Variants in ANK2 observed in about 807,000 individuals in gnomAD.
ANK2 encodes the protein ankyrin 2.
Under a neutral mutation model 360.5 loss-of-function variants are expected in ANK2, and 83 were observed. The ratio of observed to expected loss-of-function variants is 0.23; its 90% CI spans 0.19 to 0.28. The LOEUF (loss-of-function observed/expected upper bound fraction) is 0.28, where lower values mean the gene tolerates loss of function less well. Among genes scored for constraint, ANK2 ranks in the 10% least tolerant of loss-of-function variants. The pLI is 1.00. For missense variants in ANK2, 4,201 were observed against 4,795.7 expected (o/e 0.88, Z 3.66); for synonymous variants, 1,740 against 1,759.5 (o/e 0.99, Z 0.28).
chr4:112,779,371 T>G, the ANK2 span, among the ~76,000 whole-genome samples: 1 of 152,044 alleles, frequency 6.6e-6, no homozygotes, highest in East Asian at 1.9e-4. Flanking sequence ...TAGAAAAAAT[T>G]AGCCGGGCGT....
chr4:112,748,023 C>T, the ANK2 span, among the ~76,000 whole-genome samples: 1 of 152,038 alleles, frequency 6.6e-6, no homozygotes, highest in Non-Finnish European at 1.5e-5. Context: ...TCTACATTAG[C>T]TATTGAGATG....
chr4:113,267,939 G>T (rs569995042), intron 14 of ANK2, among the ~76,000 whole-genome samples: 1 of 152,296 alleles, frequency 6.6e-6, no homozygotes, highest in South Asian at 2.1e-4. Flanking sequence ...GCAGTGGTCT[G>T]TAGTTATCCT....
chr4:113,008,922 G>A (rs10012535), intron 2 of ANK2, among the ~76,000 whole-genome samples: 86,246 of 151,892 alleles, frequency 0.57, 26,134 homozygotes, highest in Non-Finnish European at 0.69. Context: ...AAAGCAGGGA[G>A]ATAAAGCAAA....
chr4:113,311,214 A>G (rs765174003), intron 23 of ANK2, 41 bp from the exon 24 acceptor site: 2 of 1,613,316 alleles, frequency 1.2e-6, no homozygotes, highest in Non-Finnish European at 1.7e-6. Context: ...TTGATATTAC[A>G]TTCAAGAAAT....
the ANK2 span, among the ~76,000 whole-genome samples, chr4:112,793,048 C>T: frequency 2.0e-5 from 3 of 151,954 alleles, no homozygotes; most frequent in Admixed American, 6.6e-5. Context: ...TAAAATAAAA[C>T]CAGAAGAATG....
At chr4:113,293,266 T>C in intron 21 of ANK2, 174 bp from the exon 22 acceptor site, 2 of 709,228 alleles carry the variant, frequency 2.8e-6, no homozygotes, top group Non-Finnish European at 5.1e-6. Flanking sequence ...GCCTATAGTC[T>C]GAAGAAGTTA....
chr4:113,192,939 A>AC (rs1288579807), intron 2 of ANK2, among the ~76,000 whole-genome samples: 25 of 151,370 alleles, frequency 1.7e-4, no homozygotes, highest in African/African-American at 6.0e-4. Flanking sequence ...AAAAAAAAAA[A>AC]AACAACCCTT....
chr4:112,925,466 C>T (rs946226789), intron 2 of ANK2, among the ~76,000 whole-genome samples: 1 of 152,074 alleles, frequency 6.6e-6, no homozygotes, highest in African/African-American at 2.4e-5. Context: ...GATATATCTG[C>T]ATAACGTAGA....
chr4:113,223,537 T>C (rs780285982), intron 4 of ANK2, among the ~76,000 whole-genome samples: 15 of 152,158 alleles, frequency 9.9e-5, no homozygotes, highest in Non-Finnish European at 1.8e-4. Context: ...GATTTAGAGC[T>C]GTAGATTTTA....
rs115293646 is a variant in ANK2, at chr4:113,165,213, A to G, written c.85-9203A>G. Among the ~76,000 whole-genome samples, 961 of 152,316 alleles carry G rather than the reference A, an allele frequency of 6.3e-3. 13 individuals are homozygous for G. The highest frequency in any genetic ancestry group is 0.022 in the African/African-American group (898 of 41,574). On this transcript the variant is annotated intron_variant, in intron 1 of 45. Coordinates refer to ENST00000357077, the MANE Select transcript of ANK2 (RefSeq NM_001148.6). The stretch of plus-strand genomic sequence containing the variant: ...GGAAAGAGATTGGGTCTGTGATACA[A>G]ATTGTTTTAAAAATAAGTTTTTCAT...
At chr4:112,769,416 T>A in the ANK2 span, among the ~76,000 whole-genome samples, 1 of 152,202 alleles carries the variant, frequency 6.6e-6, no homozygotes, top group Non-Finnish European at 1.5e-5. Context: ...TGGAACCCAT[T>A]TAATTGAGGC....
At chr4:112,916,268 T>G (rs1462614984) in intron 2 of ANK2, among the ~76,000 whole-genome samples, 1 of 152,202 alleles carries the variant, frequency 6.6e-6, no homozygotes, top group Non-Finnish European at 1.5e-5. Flanking sequence ...TGGATATAAG[T>G]GACAAAAATC....
At chr4:112,906,962 CTTCTT>C (rs2085454731) in intron 2 of ANK2, among the ~76,000 whole-genome samples, 1 of 152,156 alleles carries the variant, frequency 6.6e-6, no homozygotes, top group South Asian at 2.1e-4. Context: ...AGATTTGACT[CTTCTT>C]TTCTTAGGTC....
At chr4:112,912,708 C>G (rs867722741) in intron 2 of ANK2, among the ~76,000 whole-genome samples, 1 of 151,862 alleles carries the variant, frequency 6.6e-6, no homozygotes, top group African/African-American at 2.4e-5. Context: ...GCCATGTGAC[C>G]AGAGTGAAGT....
intron 24 of ANK2, among the ~76,000 whole-genome samples, chr4:113,316,617 C>T (rs1045764777): frequency 2.0e-5 from 3 of 152,290 alleles, no homozygotes; most frequent in Non-Finnish European, 2.9e-5. Context: ...TGAAAGCTTG[C>T]GTATCTCCTT....
At chr4:113,288,308 C>A (rs557605482) in intron 19 of ANK2, 80 bp from the exon 20 acceptor site, 5 of 1,150,728 alleles carry the variant, frequency 4.3e-6, no homozygotes, top group Admixed American at 1.7e-5. Flanking sequence ...TCTACCCAGT[C>A]CTTCTCCTCT....
At chr4:112,768,864 T>C in the ANK2 span, among the ~76,000 whole-genome samples, 1 of 152,222 alleles carries the variant, frequency 6.6e-6, no homozygotes. Flanking sequence ...TTTCTTTATG[T>C]ACATGACCTG....
Position 113,258,425 on chromosome 4 carries a change from G to C in ANK2, c.1386+14G>C. The C allele has an allele frequency of 6.2e-7, 1 of 1,606,510 alleles. No homozygotes were observed. ...GTCACTAACATTGTGAGTATGGCTTGGGTCAGAATAACCCCAGGGAGGAAG... is the reference window on the plus strand; with the variant it reads ...GTCACTAACATTGTGAGTATGGCTTCGGTCAGAATAACCCCAGGGAGGAAG... On this transcript the variant is annotated intron_variant, in intron 13 of 45. Coordinates refer to ENST00000357077, the MANE Select transcript of ANK2 (RefSeq NM_001148.6).
At chr4:112,796,472 A>C in the ANK2 span, among the ~76,000 whole-genome samples, 2 of 146,066 alleles carry the variant, frequency 1.4e-5, no homozygotes, top group Non-Finnish European at 3.0e-5. Context: ...ATATACACAC[A>C]CACACACATA....
Sources: gnomAD v4.1 joint callset for allele counts (sites outside exome capture counted in the v4.1 genomes callset) on GRCh38, gnomAD v4.1.1 for gene constraint, MANE v1.5 for transcripts, NCBI Gene and HGNC (gene_info 2026-07-23, HGNC 2026-07-21) for gene names.